UBR1: variants seen among roughly 807,000 people sequenced by gnomAD.
UBR1 encodes the protein E3 ubiquitin-protein ligase UBR1.
UBR1 carries 102 observed loss-of-function variants against 242.1 expected under a neutral mutation model. The observed-to-expected ratio is 0.42, with a 90% CI of 0.36 to 0.50. UBR1 has a LOEUF of 0.50. Among genes scored for constraint, UBR1 ranks in the 20% least tolerant of loss-of-function variants. UBR1 has a pLI of 0.01. For missense variants in UBR1, 1,772 were observed against 2,101.8 expected (o/e 0.84, Z 3.07); for synonymous variants, 675 against 684.8 (o/e 0.99, Z 0.22).
intron 33 of UBR1, among the ~76,000 whole-genome samples, chr15:42,991,275 C>CAA (rs755640484): frequency 1.4e-5 from 2 of 142,320 alleles, no homozygotes; most frequent in African/African-American, 5.1e-5. Context: ...CACGCCATCT[C>CAA]AAAAAAAAAA....
rs369517190 is a variant in UBR1 at position 43,084,732 on chromosome 15, C to A, written c.338+1252G>T. On this transcript the variant is annotated intron_variant, in intron 2 of 46. Coordinates refer to ENST00000290650, the MANE Select transcript of UBR1 (RefSeq NM_174916.3). Reference sequence around the variant, plus strand: ...CCTCCCAAAGTGCTGGGATTACAGGCATGACCACAGCGCCTGGCCAAGGCT... The same window carrying A: ...CCTCCCAAAGTGCTGGGATTACAGGAATGACCACAGCGCCTGGCCAAGGCT... Among the ~76,000 whole-genome samples the A allele has an allele frequency of 1.1e-4, 17 of 152,286 alleles. No homozygotes were observed. The East Asian group carries it at 3.1e-3, about 28-fold the overall frequency.
At chr15:42,995,624 C>T (rs373165729) in intron 33 of UBR1, among the ~76,000 whole-genome samples, 6 of 151,972 alleles carry the variant, frequency 3.9e-5, no homozygotes, top group African/African-American at 1.4e-4. Flanking sequence ...GCCGAGATCA[C>T]GCCACTGCAC....
chr15:42,989,980 CT>C (rs2032529786), intron 34 of UBR1, 49 bp downstream of exon 34: 1 of 1,366,166 alleles, frequency 7.3e-7, no homozygotes, highest in East Asian at 2.3e-5. Flanking sequence ...GTTTCCTACT[CT>C]TATTTTCACA....
chr15:43,025,228 T>C (rs2033164334), intron 24 of UBR1, 153 bp downstream of exon 24: 1 of 839,510 alleles, frequency 1.2e-6, no homozygotes, highest in Non-Finnish European at 1.9e-6. Flanking sequence ...ATATATACCA[T>C]ATCTTAATAT....
At chr15:43,013,780 T>C (rs2032961676) in intron 29 of UBR1, among the ~76,000 whole-genome samples, 1 of 152,232 alleles carries the variant, frequency 6.6e-6, no homozygotes, top group Non-Finnish European at 1.5e-5. Flanking sequence ...TGAATTTCTC[T>C]TGCCATAAAA....
chr15:42,999,058 A>T (rs1025415376), intron 32 of UBR1, among the ~76,000 whole-genome samples: 3 of 150,268 alleles, frequency 2.0e-5, no homozygotes, highest in African/African-American at 7.3e-5. Flanking sequence ...CTCCTGCCTC[A>T]GCCTCCCGAG....
intron 21 of UBR1, among the ~76,000 whole-genome samples, chr15:43,028,226 T>C (rs1464276130): frequency 6.6e-6 from 1 of 152,174 alleles, no homozygotes; most frequent in East Asian, 1.9e-4. Context: ...GGTAACAAAA[T>C]TAATGAGCTC....
chr15:43,077,190 G>C (rs969453012), intron 3 of UBR1, among the ~76,000 whole-genome samples: 1 of 151,618 alleles, frequency 6.6e-6, no homozygotes, highest in Non-Finnish European at 1.5e-5. Context: ...GATGACAATG[G>C]CGGTTTTGTG....
chr15:43,039,264 T>A (rs980362800), intron 15 of UBR1, among the ~76,000 whole-genome samples: 1 of 152,128 alleles, frequency 6.6e-6, no homozygotes, highest in African/African-American at 2.4e-5. Flanking sequence ...CAAGAAAACG[T>A]AGGGAAAAGC....
rs950205811 is a variant in UBR1, at chr15:43,024,759, C to T, written c.2739+70G>A. On this transcript the variant is annotated intron_variant, in intron 25 of 46. Transcript: ENST00000290650. Reference sequence around the variant, plus strand: ...AGATGTGGTTCCAACTGAAGTTAGACCTGAGATCTTCCCTAGCTCCCCAAG... The same window carrying T: ...AGATGTGGTTCCAACTGAAGTTAGATCTGAGATCTTCCCTAGCTCCCCAAG... 5.0e-6 allele frequency: 8 copies of T among 1,606,712 alleles called. No homozygotes were observed. The African/African-American group carries it at 1.1e-4, about 21-fold the overall frequency.
At position 42,966,290 on chromosome 15, in the gene UBR1, G is replaced by A. The variant is rs762885538; in HGVS notation, c.4458-4C>T. The A allele has an allele frequency of 1.2e-6, 2 of 1,614,092 alleles. No individual in the cohort carries two copies. Among genetic ancestry groups the A allele is most frequent in the Non-Finnish European group, 1.7e-6 (2 of 1,180,030 alleles). On this transcript the variant is annotated splice_polypyrimidine_tract_variant and splice_region_variant and intron_variant, in intron 40 of 46. Coordinates refer to ENST00000290650, the MANE Select transcript of UBR1 (RefSeq NM_174916.3). ...AGGAATATCACACCCAATGGAGCTA[G>A]GAGACAATAATTCCAGAAGAGAACA...
At chr15:43,009,573 G>C (rs7176915) in intron 29 of UBR1, among the ~76,000 whole-genome samples, 1 of 152,020 alleles carries the variant, frequency 6.6e-6, no homozygotes, top group Non-Finnish European at 1.5e-5. Context: ...ACTGGCCACA[G>C]AGGTTTCTGG....
intron 41 of UBR1, among the ~76,000 whole-genome samples, chr15:42,965,529 T>C: frequency 6.6e-6 from 1 of 150,692 alleles, no homozygotes; most frequent in Admixed American, 6.6e-5. Flanking sequence ...AGTGGCGCAA[T>C]CTCGGCTCAC....
At chr15:42,987,539 C>A (rs926976551) in intron 35 of UBR1, among the ~76,000 whole-genome samples, 1 of 151,872 alleles carries the variant, frequency 6.6e-6, no homozygotes, top group African/African-American at 2.4e-5. Context: ...CATGGTGAAA[C>A]CCCGTCTCTA....
chr15:43,043,946 C>A (rs2033452055), intron 14 of UBR1, among the ~76,000 whole-genome samples: 1 of 152,042 alleles, frequency 6.6e-6, no homozygotes. Flanking sequence ...AAAAAAGAAT[C>A]ACAAAGAACT....
At chr15:42,968,708 TC>T (rs1372458078) in intron 40 of UBR1, among the ~76,000 whole-genome samples, 1 of 152,076 alleles carries the variant, frequency 6.6e-6, no homozygotes, top group African/African-American at 2.4e-5. Flanking sequence ...TGTGTGATGT[TC>T]CCCTCCCTGT....
chr15:43,073,444 T>C (rs1008023328), intron 4 of UBR1, among the ~76,000 whole-genome samples: 3 of 152,220 alleles, frequency 2.0e-5, no homozygotes, highest in African/African-American at 7.2e-5. Flanking sequence ...TATCATTCCT[T>C]GTCTAATAGC....
At chr15:42,947,870 T>C (rs1596071075) in intron 46 of UBR1, among the ~76,000 whole-genome samples, 3 of 152,284 alleles carry the variant, frequency 2.0e-5, no homozygotes, top group African/African-American at 7.2e-5. Context: ...CAAGGTAATT[T>C]ATAGATTCAA....
At chr15:43,040,713 T>C (rs1177068657) in intron 15 of UBR1, among the ~76,000 whole-genome samples, 5 of 152,048 alleles carry the variant, frequency 3.3e-5, no homozygotes, top group Admixed American at 1.3e-4. Context: ...AGGGCTAATA[T>C]CCAGAATCTA....
Sources: allele counts gnomAD v4.1 joint callset (sites outside exome capture counted in the v4.1 genomes callset), GRCh38; gene constraint gnomAD v4.1.1; transcripts MANE v1.5; gene names NCBI Gene and HGNC (gene_info 2026-07-23, HGNC 2026-07-21).